The following GTF3C3 variants were observed in gnomAD, a reference collection of about 807,000 sequenced individuals.
GTF3C3 encodes general transcription factor IIIC subunit 3.
A neutral mutation model predicts 105.2 loss-of-function variants in GTF3C3; 75 were observed. The ratio of observed to expected loss-of-function variants is 0.71; its 90% CI spans 0.59 to 0.86. The LOEUF (loss-of-function observed/expected upper bound fraction) is 0.86. GTF3C3 is among the 40% of genes least tolerant of loss of function. The pLI, the probability that GTF3C3 is intolerant of heterozygous loss-of-function variation, is 0.00. For missense variants in GTF3C3, 856 were observed against 1,076.5 expected, an observed-to-expected ratio of 0.80 and a Z score of 2.87; for synonymous variants, 335 against 370.4, an observed-to-expected ratio of 0.90 and a Z score of 1.10.
At chr2:196,784,626 C>G in intron 8 of GTF3C3, 1 of 158,762 alleles carries the variant, frequency 6.3e-6, no homozygotes, top group Non-Finnish European at 1.3e-5. Flanking sequence ...ATGAAAAATG[C>G]CATGTTCAAA....
At chr2:196,797,014 G>A (rs929714617) in intron 2 of GTF3C3, among the ~76,000 whole-genome samples, 1 of 152,122 alleles carries the variant, frequency 6.6e-6, no homozygotes, top group African/African-American at 2.4e-5. Flanking sequence ...TGTTCTCTGT[G>A]TAAACACTTA....
rs1161038355 is a variant in GTF3C3 at position 196,764,525 on chromosome 2, AC to A, written c.*37del. 1.9e-6 allele frequency: 3 copies of A among 1,583,956 alleles called. No individual in the cohort carries two copies. In the South Asian group the frequency reaches 3.5e-5, roughly 18 times the overall value. On this transcript the variant is annotated 3_prime_UTR_variant, in exon 18 of 18. Transcript: ENST00000263956. ...TGAGACAGAAGACACTGGTCCTCAC[AC>A]AGCAGCTGCCATTGCTCTGTTCTCA...
At chr2:196,794,382 A>T (rs778036324) in intron 2 of GTF3C3, among the ~76,000 whole-genome samples, 6 of 152,236 alleles carry the variant, frequency 3.9e-5, no homozygotes, top group Non-Finnish European at 7.3e-5. Flanking sequence ...TTAAAATTTT[A>T]AGTATATATA....
At chr2:196,791,716 A>G in intron 3 of GTF3C3, 1 of 317,346 alleles carries the variant, frequency 3.2e-6, no homozygotes, top group Non-Finnish European at 6.0e-6. Context: ...CAGGCGGATC[A>G]CCTGAGGCCA....
intron 13 of GTF3C3, among the ~76,000 whole-genome samples, chr2:196,774,638 GTTAAAAACACAAGC>G (rs1699230736): frequency 3.3e-5 from 5 of 152,284 alleles, no homozygotes; most frequent in African/African-American, 1.2e-4. Context: ...AGGAAACATG[GTTAAAAACACAAGC>G]TGCAGAGGTA....
At chr2:196,781,357 A>AAAAAAAAAAAAAT in intron 8 of GTF3C3, among the ~76,000 whole-genome samples, 3 of 18,812 alleles carry the variant, frequency 1.6e-4, no homozygotes, top group African/African-American at 3.1e-4. Context: ...AAAAAAAAAA[A>AAAAAAAAAAAAAT]ATATATATAT....
intron 2 of GTF3C3, among the ~76,000 whole-genome samples, chr2:196,793,947 C>T (rs1183813161): frequency 6.6e-6 from 1 of 152,048 alleles, no homozygotes; most frequent in Admixed American, 6.6e-5. Flanking sequence ...ATATCTGTCC[C>T]CTCCAAGTCT....
intron 17 of GTF3C3, among the ~76,000 whole-genome samples, chr2:196,766,109 A>AAAATT (rs1373628896): frequency 3.9e-5 from 6 of 152,226 alleles, no homozygotes; most frequent in Non-Finnish European, 8.8e-5. Context: ...AATACATTTA[A>AAAATT]AAATTAACAT....
At chr2:196,787,714 T>C (rs1221426957) in intron 6 of GTF3C3, among the ~76,000 whole-genome samples, 1 of 152,186 alleles carries the variant, frequency 6.6e-6, no homozygotes, top group African/African-American at 2.4e-5. Context: ...TGATGTACTA[T>C]ATATTTAGCT....
rs1559303582 is a variant in GTF3C3 at position 196,786,415 on chromosome 2, T to C, written c.894-827A>G. Among the ~76,000 whole-genome samples, 1 of 152,170 alleles carries C rather than the reference T, an allele frequency of 6.6e-6. No individual in the cohort carries two copies. The highest frequency in any genetic ancestry group is 1.5e-5 in the Non-Finnish European group (1 of 68,024). ...TCTCAGTTGATGGCCTTGCTTGACA[T>C]TTTTACCAAGAAAAGAGAATTAAAT... On this transcript the variant is annotated intron_variant, in intron 6 of 17. Coordinates refer to ENST00000263956, the MANE Select transcript of GTF3C3 (RefSeq NM_012086.5). The surrounding 1 kb of genome is among the most constrained non-coding windows in gnomAD (Gnocchi z 4.2).
In GTF3C3 at chr2:196,769,948, C is replaced by T. The variant is rs1308929960; in HGVS notation, c.2352G>A (p.Lys784=). The change falls in exon 16 of 18, where the codon AAG becomes AAA. Residue 784 remains lysine (K), a synonymous_variant. Coordinates refer to ENST00000263956, the MANE Select transcript of GTF3C3 (RefSeq NM_012086.5). ...GLTFIHMASQ[K]YVLRRHALIV... is the part of the protein sequence containing the mutation. ...TAAGAGCATGTCTCCGTAACACATACTTCTGAGATGCCATATGAATAAAGG... is the reference window on the plus strand; with the variant it reads ...TAAGAGCATGTCTCCGTAACACATATTTCTGAGATGCCATATGAATAAAGG... 6 of 1,606,376 alleles carry T rather than the reference C, an allele frequency of 3.7e-6. No individual in the cohort carries two copies. The African/African-American group carries it at 8.1e-5, about 22-fold the overall frequency.
chr2:196,784,578 G>A (rs968546902), intron 8 of GTF3C3, among the ~76,000 whole-genome samples: 4 of 151,372 alleles, frequency 2.6e-5, no homozygotes, highest in Non-Finnish European at 5.9e-5. Flanking sequence ...TCAGTAATTC[G>A]TTTTTTTTCC....
chr2:196,771,520 G>A (rs1246643385), intron 15 of GTF3C3, among the ~76,000 whole-genome samples: 1 of 152,080 alleles, frequency 6.6e-6, no homozygotes, highest in African/African-American at 2.4e-5. Flanking sequence ...TACTATATGT[G>A]CCAGGCACTG....
intron 8 of GTF3C3, among the ~76,000 whole-genome samples, chr2:196,784,307 T>C (rs1699416954): frequency 6.6e-6 from 1 of 152,056 alleles, no homozygotes; most frequent in African/African-American, 2.4e-5. Context: ...TGCTACAACT[T>C]GATGTAGGGT....
chr2:196,771,659 T>C, intron 15 of GTF3C3, 89 bp downstream of exon 15: 1 of 832,680 alleles, frequency 1.2e-6, no homozygotes, highest in East Asian at 2.6e-5. Flanking sequence ...ACAGTGAGGC[T>C]GATAATTAAC....
At chr2:196,781,357 A>AAAAAAAAAAAAAAAAATATATATAT in intron 8 of GTF3C3, among the ~76,000 whole-genome samples, 1 of 18,812 alleles carries the variant, frequency 5.3e-5, no homozygotes, top group Non-Finnish European at 1.5e-4. Context: ...AAAAAAAAAA[A>AAAAAAAAAAAAAAAAATATATATAT]ATATATATAT....
At chr2:196,789,408 G>C in intron 5 of GTF3C3, 39 bp from the exon 6 acceptor site, 1 of 1,435,086 alleles carries the variant, frequency 7.0e-7, no homozygotes, top group South Asian at 1.3e-5. Flanking sequence ...CCACAAAAAG[G>C]GGTGCATGGT....
In GTF3C3 at chr2:196,776,323, A is replaced by G. The variant is rs780760331; in HGVS notation, c.1593+104T>C. ...CATTTTTCAAAAACTTGAATACACT[A>G]AAATAAAATTTTGGATATAAGCTAT... On this transcript the variant is annotated intron_variant, in intron 11 of 17. Transcript: ENST00000263956. This position sits in a 1 kb window ranked among gnomAD's most constrained non-coding sequence, Gnocchi z 4.5. 1.3e-4 allele frequency: 130 copies of G among 973,736 alleles called. No homozygotes were observed. Among genetic ancestry groups the G allele is most frequent in the Non-Finnish European group, 1.9e-4 (120 of 647,578 alleles). 60.3% of individuals were successfully genotyped at this position (973,736 alleles called of 1,614,324 possible). A position where few individuals can be genotyped will look rare whatever the true frequency, so the allele number is the denominator to read the frequency against.
At position 196,767,901 on chromosome 2, in the gene GTF3C3, G is replaced by T. The variant is rs572314025; in HGVS notation, c.2386-1184C>A. On this transcript the variant is annotated intron_variant, in intron 16 of 17. Coordinates refer to ENST00000263956, the MANE Select transcript of GTF3C3 (RefSeq NM_012086.5). ...AAGAAATGTTTAACAAATTTAAGAG[G>T]ATAACCTGAAAGACTATTCAAATAA... Among the ~76,000 whole-genome samples the T allele has an allele frequency of 2.6e-5, 4 of 152,268 alleles. No individual in the cohort carries two copies. In the South Asian group the frequency reaches 8.3e-4, roughly 32 times the overall value.
Sources: gnomAD v4.1 joint callset for allele counts (sites outside exome capture counted in the v4.1 genomes callset) on GRCh38, gnomAD v4.1.1 for gene constraint, Gnocchi (gnomAD v3.1) non-coding constraint, MANE v1.5 for transcripts, NCBI Gene and HGNC (gene_info 2026-07-23, HGNC 2026-07-21) for gene names.